Variants in ZNF780A observed in about 807,000 individuals in gnomAD.
ZNF780A encodes the protein zinc finger protein 780A.
A neutral mutation model predicts 56.7 loss-of-function variants in ZNF780A; 40 were observed. The observed-to-expected ratio is 0.71, with a 90% CI of 0.55 to 0.92. The LOEUF (loss-of-function observed/expected upper bound fraction) is 0.92, where lower values mean the gene tolerates loss of function less well. ZNF780A is among the 40% of genes least tolerant of loss of function. The pLI is 0.00. For synonymous variants in ZNF780A, 231 were observed against 248.3 expected, an observed-to-expected ratio of 0.93 and a Z score of 0.66; for missense variants, 672 against 783.3, an observed-to-expected ratio of 0.86 and a Z score of 1.70.
chr19:40,072,653 CA>C (rs200980070), downstream of ZNF780A: 130,959 of 554,102 alleles, frequency 0.24, 60 homozygotes, highest in Non-Finnish European at 0.25. Flanking sequence ...CTTGCAACTG[CA>C]AAAAAAAAAA....
chr19:40,074,052 G>C lies in ZNF780A; in HGVS notation c.*464C>G, dbSNP rs1441152772. ...ACCAGTATGAATTCTTTGATGTGCA[G>C]TCAGGACCAAACTAAATCTGAAAGT... On this transcript the variant is annotated 3_prime_UTR_variant, in exon 6 of 6. Coordinates refer to ENST00000683561, the MANE Select transcript of ZNF780A (RefSeq NM_001142578.2). 1 of 1,237,972 alleles carries C rather than the reference G, an allele frequency of 8.1e-7. No individual in the cohort carries two copies. Among genetic ancestry groups the C allele is most frequent in the Non-Finnish European group, 1.0e-6 (1 of 970,050 alleles). The allele number at this position is 1,237,972 out of a possible 1,614,324, so 76.7% of individuals were successfully genotyped here.
intron 5 of ZNF780A, among the ~76,000 whole-genome samples, chr19:40,079,993 A>G (rs1386501212): frequency 3.3e-5 from 5 of 152,104 alleles, no homozygotes; most frequent in African/African-American, 9.6e-5. Context: ...AAACATAAAT[A>G]AAATTAATAA....
chr19:40,089,987 G>C (rs1034149929), intron 2 of ZNF780A, among the ~76,000 whole-genome samples, 179 bp downstream of exon 2: 1 of 152,152 alleles, frequency 6.6e-6, no homozygotes, highest in African/African-American at 2.4e-5. Flanking sequence ...GAAAAAGAGA[G>C]CGCACAGGAA....
intron 5 of ZNF780A, among the ~76,000 whole-genome samples, chr19:40,081,613 A>G (rs1039347280): frequency 3.9e-5 from 6 of 152,108 alleles, no homozygotes. Context: ...GAGAACAGAA[A>G]TTAGGTGATT....
chr19:40,074,939 A>C lies in ZNF780A; in HGVS notation c.1503T>G (p.Tyr501Ter). 4 of 1,614,204 alleles carry C rather than the reference A, an allele frequency of 2.5e-6. No individual in the cohort carries two copies. Among genetic ancestry groups the C allele is most frequent in the Non-Finnish European group, 3.4e-6 (4 of 1,180,018 alleles). The change falls in exon 6 of 6, where the codon TAT becomes TAG. Residue 501 changes from tyrosine (Y) to a stop codon, truncating the protein, a stop_gained. Transcript: ENST00000683561. LOFTEE classifies it high-confidence loss of function. ...HQSIHTGEKP[Y>*]ECKECGKAFR... ...AAGCCTTCCCACACTCCTTACATTCATAGGGCTTCTCACCAGTGTGAATAC... is the reference window on the plus strand; with the variant it reads ...AAGCCTTCCCACACTCCTTACATTCCTAGGGCTTCTCACCAGTGTGAATAC...
At chr19:40,089,236 A>G in intron 2 of ZNF780A, 1 of 1,413,850 alleles carries the variant, frequency 7.1e-7, no homozygotes, top group South Asian at 1.6e-5. Context: ...AGCTAGATTT[A>G]GTCATTCCAC....
rs553116880 is a variant in ZNF780A at position 40,081,272 on chromosome 19, C to A, written c.232+547G>T. Among the ~76,000 whole-genome samples, 14 of 151,796 alleles carry A rather than the reference C, an allele frequency of 9.2e-5. No homozygotes were observed. The South Asian group carries it at 2.9e-3, about 32-fold the overall frequency. ...AATGGGCTGGGCACGATGGCTCACA[C>A]CTGTAATCCCAGGGCTTTGGGAGGC... On this transcript the variant is annotated intron_variant, in intron 5 of 5. Coordinates refer to ENST00000683561, the MANE Select transcript of ZNF780A (RefSeq NM_001142578.2).
intron 2 of ZNF780A, among the ~76,000 whole-genome samples, chr19:40,087,111 T>C (rs73549829): frequency 0.093 from 14,131 of 152,234 alleles, 1,173 homozygotes; most frequent in African/African-American, 0.21. Flanking sequence ...TTATTACCTG[T>C]GTAATACTCT....
intron 3 of ZNF780A, among the ~76,000 whole-genome samples, chr19:40,083,902 T>C (rs965540857): frequency 6.6e-6 from 1 of 151,944 alleles, no homozygotes; most frequent in East Asian, 1.9e-4. Context: ...AATTTTTTAT[T>C]TTTTATTTTT....
chr19:40,075,456 C>T lies in ZNF780A; in HGVS notation c.986G>A (p.Gly329Asp), dbSNP rs1437173466. ...QLIEHCQIHT[G>D]EKPFECKECG... Reference sequence around the variant, plus strand: ...TTCTTTACATTCAAAGGGTTTCTCACCAGTATGAATTTGGCAATGTTCAAT... The same window carrying T: ...TTCTTTACATTCAAAGGGTTTCTCATCAGTATGAATTTGGCAATGTTCAAT... The change falls in exon 6 of 6, where the codon GGT becomes GAT. Residue 329 changes from glycine to aspartate, a missense_variant. Transcript: ENST00000683561. 4 of 1,613,856 alleles carry T rather than the reference C, an allele frequency of 2.5e-6. No individual in the cohort carries two copies. The highest frequency in any genetic ancestry group is 3.4e-6 in the Non-Finnish European group (4 of 1,180,012).
chr19:40,084,983 T>TAGGGATGAAACCAAGCTCTCGCCTGC (rs1389401157), intron 2 of ZNF780A, among the ~76,000 whole-genome samples, 185 bp from the exon 3 acceptor site: 5 of 151,878 alleles, frequency 3.3e-5, no homozygotes, highest in Non-Finnish European at 7.4e-5. Flanking sequence ...ACGGGTGGAG[T>TAGGGATGAAACCAAGCTCTCGCCTGC]AGGGATGAAA....
chr19:40,076,939 C>T (rs1974173739), intron 5 of ZNF780A, among the ~76,000 whole-genome samples: 1 of 152,224 alleles, frequency 6.6e-6, no homozygotes, highest in South Asian at 2.1e-4. Flanking sequence ...ACACTAAGCA[C>T]TTACTGCTTG....
downstream of ZNF780A, chr19:40,070,049 T>C (rs1038781548): frequency 6.6e-6 from 1 of 152,142 alleles, no homozygotes; most frequent in African/African-American, 2.4e-5. Context: ...AAATATTCAA[T>C]ACATTTCACA....
intron 5 of ZNF780A, among the ~76,000 whole-genome samples, chr19:40,081,060 G>C (rs981050261): frequency 2.0e-5 from 3 of 152,034 alleles, no homozygotes; most frequent in African/African-American, 7.2e-5. Context: ...CACTGCAAAA[G>C]CATAGGCGGC....
At chr19:40,083,291 T>C in intron 3 of ZNF780A, 54 bp from the exon 4 acceptor site, 1 of 1,607,178 alleles carries the variant, frequency 6.2e-7, no homozygotes, top group Non-Finnish European at 8.5e-7. Flanking sequence ...TGTTTTAAGA[T>C]GAAAGGAGAG....
At chr19:40,069,305 G>A (rs904757984), downstream of ZNF780A, 3 of 153,544 alleles carry the variant, frequency 2.0e-5, no homozygotes, top group African/African-American at 7.2e-5. Flanking sequence ...TGGCAAGAGA[G>A]AAAACAAGAG....
chr19:40,085,764 C>T (rs967151589), intron 2 of ZNF780A, among the ~76,000 whole-genome samples: 2 of 152,040 alleles, frequency 1.3e-5, no homozygotes, highest in African/African-American at 4.8e-5. Context: ...CCTATAATCC[C>T]AGCTACTCAG....
chr19:40,069,418 T>C (rs1024844351), downstream of ZNF780A: 2 of 152,204 alleles, frequency 1.3e-5, no homozygotes, highest in African/African-American at 2.4e-5. Flanking sequence ...CATTAATTTA[T>C]TCATGAGGGA....
At position 40,075,466 on chromosome 19, in the gene ZNF780A, T is replaced by C; in HGVS notation, c.976A>G (p.Ile326Val). ...TCAAAGGGTTTCTCACCAGTATGAA[T>C]TTGGCAATGTTCAATAAGTTGGTAA... ...YHYQLIEHCQIHTGEKPFECK... is the reference protein window; with the variant it reads ...YHYQLIEHCQVHTGEKPFECK... The change falls in exon 6 of 6, where the codon ATT becomes GTT. Residue 326 changes from isoleucine to valine, a missense_variant. Physicochemically the swap from Ile to Val is conservative, Grantham distance 29 (BLOSUM62 3). Transcript: ENST00000683561. 6.2e-7 allele frequency: 1 copy of C among 1,613,532 alleles called. No individual in the cohort carries two copies. The highest frequency in any genetic ancestry group is 8.5e-7 in the Non-Finnish European group (1 of 1,179,884).
Sources: gnomAD v4.1 joint callset for allele counts (sites outside exome capture counted in the v4.1 genomes callset) on GRCh38, gnomAD v4.1.1 for gene constraint, MANE v1.5 for transcripts, NCBI Gene and HGNC (gene_info 2026-07-23, HGNC 2026-07-21) for gene names.